The following WWC1 variants were observed in gnomAD, a reference collection of about 807,000 sequenced individuals.
WWC1 encodes the protein WW and C2 domain containing 1, also known as protein KIBRA.
A neutral mutation model predicts 138.4 loss-of-function variants in WWC1; 55 were observed. That is an observed-to-expected ratio of 0.40 (90% CI 0.32 to 0.50). The LOEUF (loss-of-function observed/expected upper bound fraction) is 0.50. Among genes scored for constraint, WWC1 ranks in the 20% least tolerant of loss-of-function variants. The pLI is 0.72. For missense variants in WWC1, 1,226 were observed against 1,420.4 expected, an observed-to-expected ratio of 0.86 and a Z score of 2.20; for synonymous variants, 524 against 564.9, an observed-to-expected ratio of 0.93 and a Z score of 1.03.
At chr5:168,336,537 A>G (rs1024159707) in intron 1 of WWC1, among the ~76,000 whole-genome samples, 83 of 136,728 alleles carry the variant, frequency 6.1e-4, no homozygotes, top group African/African-American at 2.2e-3. Flanking sequence ...ATGCCATTGC[A>G]CTCCAGCCTG....
chr5:168,435,332 ATCTT>A (rs1449019315), intron 15 of WWC1, among the ~76,000 whole-genome samples: 1 of 152,126 alleles, frequency 6.6e-6, no homozygotes, highest in African/African-American at 2.4e-5. Context: ...TCTTTCCTCT[ATCTT>A]CAATTTTCCC....
intron 9 of WWC1, chr5:168,414,849 T>C (rs980648929): frequency 2.0e-6 from 1 of 494,826 alleles, no homozygotes; most frequent in Non-Finnish European, 3.5e-6. Context: ...CAAAAATGTA[T>C]CTTCTGACTC....
At chr5:168,336,605 G>A (rs1049275640) in intron 1 of WWC1, among the ~76,000 whole-genome samples, 24 of 141,920 alleles carry the variant, frequency 1.7e-4, no homozygotes, top group African/African-American at 6.2e-4. Flanking sequence ...ACAATACCTT[G>A]TGATCTCCAT....
chr5:168,388,172 G>A (rs1160420243), intron 3 of WWC1, among the ~76,000 whole-genome samples: 1 of 152,122 alleles, frequency 6.6e-6, no homozygotes, highest in South Asian at 2.1e-4. Context: ...GCCTTCTGAC[G>A]TGATGCAATA....
At chr5:168,351,176 C>T (rs1189311792) in intron 1 of WWC1, among the ~76,000 whole-genome samples, 1 of 151,756 alleles carries the variant, frequency 6.6e-6, no homozygotes, top group Non-Finnish European at 1.5e-5. Flanking sequence ...AGCTAGATAG[C>T]CCATGGGAAG....
chr5:168,420,503 G>A (rs751294827), intron 9 of WWC1, among the ~76,000 whole-genome samples: 20 of 152,204 alleles, frequency 1.3e-4, no homozygotes, highest in Non-Finnish European at 2.5e-4. Context: ...GTAGGATTTC[G>A]GGGGACAAAA....
Position 168,469,192 on chromosome 5 carries a change from G to A in WWC1, c.*175G>A. 4.1e-5 allele frequency: 24 copies of A among 588,350 alleles called. No individual in the cohort carries two copies. The highest frequency in any genetic ancestry group is 5.3e-5 in the Non-Finnish European group (18 of 342,130). The allele number at this position is 588,350 out of a possible 1,614,324, so 36.4% of individuals were successfully genotyped here. On this transcript the variant is annotated 3_prime_UTR_variant, in exon 23 of 23. Transcript: ENST00000265293. Reference sequence around the variant, plus strand: ...GGTCCTACTGTTGTTATTAAAAACAGAACAAAAACAAAACACACACACACA... The same window carrying A: ...GGTCCTACTGTTGTTATTAAAAACAAAACAAAAACAAAACACACACACACA...
In WWC1 at chr5:168,470,929, C is replaced by G. The variant is rs1233662637; in HGVS notation, c.*1912C>G. ...CGGTCCCCAGTGCCAGTGTTTTACC[C>G]ATGTTCCCTCTGTAAGTCTTATGCA... On this transcript the variant is annotated 3_prime_UTR_variant, in exon 23 of 23. Transcript: ENST00000265293. The G allele has an allele frequency of 1.3e-5, 2 of 152,382 alleles. No individual in the cohort carries two copies. The highest frequency in any genetic ancestry group is 4.8e-5 in the African/African-American group (2 of 41,564). 9.4% of individuals were successfully genotyped at this position (152,382 alleles called of 1,614,324 possible). A position where few individuals can be genotyped will look rare whatever the true frequency, so the allele number is the denominator to read the frequency against.
At chr5:168,369,398 T>G (rs62384062) in intron 1 of WWC1, among the ~76,000 whole-genome samples, 37,053 of 151,664 alleles carry the variant, frequency 0.24, 4,666 homozygotes, top group South Asian at 0.44. Flanking sequence ...GTTGTTGTTG[T>G]TGGTGGTGGT....
chr5:168,385,498 C>A, intron 3 of WWC1, 84 bp downstream of exon 3: 1 of 1,388,038 alleles, frequency 7.2e-7, no homozygotes, highest in Non-Finnish European at 9.8e-7. Context: ...CTTCTCAAGT[C>A]TGCCCATTTC....
At chr5:168,310,191 A>G (rs1175140182) in intron 1 of WWC1, among the ~76,000 whole-genome samples, 1 of 152,184 alleles carries the variant, frequency 6.6e-6, no homozygotes, top group Non-Finnish European at 1.5e-5. Context: ...GTGTCTTAAG[A>G]AGACCTTTCC....
intron 1 of WWC1, among the ~76,000 whole-genome samples, chr5:168,350,903 T>C (rs1214398890): frequency 6.6e-6 from 1 of 152,124 alleles, no homozygotes; most frequent in Admixed American, 6.5e-5. Context: ...CCCAGCACTT[T>C]GGGAGGCCGA....
intron 1 of WWC1, among the ~76,000 whole-genome samples, chr5:168,345,154 G>C (rs1292727431): frequency 6.6e-6 from 1 of 152,110 alleles, no homozygotes; most frequent in East Asian, 1.9e-4. Context: ...GCCCAGGCTG[G>C]AGGGCAGTGG....
At chr5:168,343,305 G>A (rs1349898000) in intron 1 of WWC1, among the ~76,000 whole-genome samples, 1 of 152,182 alleles carries the variant, frequency 6.6e-6, no homozygotes. Flanking sequence ...TTACTGTGGG[G>A]CAGGCACTGT....
At chr5:168,332,698 T>TTTTTTC (rs1055471587) in intron 1 of WWC1, among the ~76,000 whole-genome samples, 2 of 151,574 alleles carry the variant, frequency 1.3e-5, no homozygotes, top group Non-Finnish European at 2.9e-5. Flanking sequence ...ATGTTTTTGG[T>TTTTTTC]TTTTTCTTTT....
chr5:168,383,538 T>G (rs998456997), intron 2 of WWC1, among the ~76,000 whole-genome samples: 3 of 152,192 alleles, frequency 2.0e-5, no homozygotes, highest in Non-Finnish European at 4.4e-5. Flanking sequence ...AACTCCAGTG[T>G]TCCCCGGGCT....
rs997250626 is a variant in WWC1 at position 168,303,136 on chromosome 5, ACTT to A, written c.119+10867_119+10869del. 3.0e-4 allele frequency among the ~76,000 whole-genome samples: 45 copies of A among 152,300 alleles called. No homozygotes were observed. In the Middle Eastern group the frequency reaches 0.01, roughly 35 times the overall value. On this transcript the variant is annotated intron_variant, in intron 1 of 22. Coordinates refer to ENST00000265293, the MANE Select transcript of WWC1 (RefSeq NM_015238.3). ...AAGGAAACTGAAGACAAACGAAGTA[ACTT>A]CGTCCTCCCTATGCTAAGAGGGCTA...
rs190117720 is a variant in WWC1 at position 168,372,537 on chromosome 5, G to A, written c.229+1004G>A. On this transcript the variant is annotated intron_variant, in intron 2 of 22. Transcript: ENST00000265293. ...GTTTACTGAGCACACAGTCTGTGCC[G>A]TGTCCTGTGCTGAGGACTTGATAGG... Among the ~76,000 whole-genome samples, 65 of 152,302 alleles carry A rather than the reference G, an allele frequency of 4.3e-4. 2 individuals are homozygous for A. The South Asian group carries it at 0.012, about 28-fold the overall frequency.
chr5:168,431,475 T>A, intron 15 of WWC1, 31 bp downstream of exon 15: 1 of 1,522,286 alleles, frequency 6.6e-7, no homozygotes, highest in Non-Finnish European at 8.9e-7. Context: ...GCTGGCTGGC[T>A]GGCTGGCTGG....
Sources: gnomAD v4.1 joint callset for allele counts (sites outside exome capture counted in the v4.1 genomes callset) on GRCh38, gnomAD v4.1.1 for gene constraint, MANE v1.5 for transcripts, NCBI Gene and HGNC (gene_info 2026-07-23, HGNC 2026-07-21) for gene names.